PRPF18: variants seen among roughly 807,000 people sequenced by gnomAD.
PRPF18 encodes pre-mRNA processing factor 18, also known as pre-mRNA-splicing factor 18.
A neutral mutation model predicts 46.5 loss-of-function variants in PRPF18; 38 were observed. That is an observed-to-expected ratio of 0.82 (90% confidence interval 0.63 to 1.07). PRPF18 has a LOEUF of 1.07. Among genes scored for constraint, PRPF18 ranks in the 50% least tolerant of loss-of-function variants. PRPF18 has a pLI of 0.00. For synonymous variants in PRPF18, 152 were observed against 146.7 expected (o/e 1.04, Z -0.26); for missense variants, 263 against 410.0 (o/e 0.64, Z 3.10).
chr10:13,615,573 C>T (rs2080327061), intron 8 of PRPF18, among the ~76,000 whole-genome samples: 1 of 152,182 alleles, frequency 6.6e-6, no homozygotes, highest in Non-Finnish European at 1.5e-5. Context: ...TTGACTCTCC[C>T]TATCAATCTC....
At chr10:13,602,057 G>C (rs531167612) in intron 3 of PRPF18, among the ~76,000 whole-genome samples, 82 of 152,282 alleles carry the variant, frequency 5.4e-4, no homozygotes, top group Middle Eastern at 3.4e-3. Flanking sequence ...GTGTGGAATT[G>C]TCCTACAAAG....
At chr10:13,587,315 C>T (rs976084171) in intron 1 of PRPF18, 163 bp downstream of exon 1, 5 of 722,790 alleles carry the variant, frequency 6.9e-6, no homozygotes, top group African/African-American at 3.5e-5. Flanking sequence ...CAACCCTTGG[C>T]GTCTCACTGT....
intron 9 of PRPF18, among the ~76,000 whole-genome samples, chr10:13,617,849 A>AT (rs1589133336): frequency 6.6e-6 from 1 of 152,164 alleles, no homozygotes; most frequent in Non-Finnish European, 1.5e-5. Flanking sequence ...ATTAAAAAAA[A>AT]TTCTTCTTTT....
chr10:13,605,883 AT>A, intron 4 of PRPF18, 139 bp downstream of exon 4: 1 of 1,248,546 alleles, frequency 8.0e-7, no homozygotes, highest in Non-Finnish European at 1.0e-6. Flanking sequence ...GTTTTCATTA[AT>A]TTTTTGAAAA....
intron 3 of PRPF18, among the ~76,000 whole-genome samples, chr10:13,602,795 T>C (rs2080131816): frequency 1.3e-5 from 2 of 152,196 alleles, no homozygotes; most frequent in South Asian, 4.1e-4. Flanking sequence ...TGCAGTGGCA[T>C]GATGTAGGCT....
At chr10:13,587,445 G>A (rs937911866) in intron 1 of PRPF18, among the ~76,000 whole-genome samples, 4 of 152,194 alleles carry the variant, frequency 2.6e-5, no homozygotes, top group African/African-American at 9.6e-5. Context: ...GCCAATTAAC[G>A]CCCACGTCCA....
At chr10:13,648,515 C>CA in the PRPF18 span, 8 of 152,220 alleles carry the variant, frequency 5.3e-5, no homozygotes, top group African/African-American at 1.9e-4. Flanking sequence ...ACAAGGAACC[C>CA]AACGGGGCCG....
Position 13,587,909 on chromosome 10 carries a change from C to G in PRPF18, c.66+757C>G, listed in dbSNP as rs567123734. Among the ~76,000 whole-genome samples the G allele has an allele frequency of 7.9e-5, 12 of 152,284 alleles. No homozygotes were observed. In the South Asian group the frequency reaches 2.3e-3, roughly 29 times the overall value. Reference sequence around the variant, plus strand: ...CAACTTACACTCACGGCCTTCTTTCCGGTAACCACTTGGGAGCCTTAGGGA... The same window carrying G: ...CAACTTACACTCACGGCCTTCTTTCGGGTAACCACTTGGGAGCCTTAGGGA... On this transcript the variant is annotated intron_variant, in intron 1 of 9. Transcript: ENST00000378572.
At chr10:13,605,999 T>G (rs1003092855) in intron 4 of PRPF18, among the ~76,000 whole-genome samples, 9 of 152,142 alleles carry the variant, frequency 5.9e-5, no homozygotes, top group African/African-American at 2.2e-4. Flanking sequence ...CAAAGAAATT[T>G]CCCTGAGAGC....
intron 9 of PRPF18, 108 bp downstream of exon 9, chr10:13,616,661 G>A (rs751529667): frequency 1.9e-4 from 263 of 1,393,852 alleles, no homozygotes; most frequent in Middle Eastern, 6.3e-4. Context: ...AGAACATAGC[G>A]TGATAGGATG....
At chr10:13,612,289 T>C (rs772487347) in intron 6 of PRPF18, among the ~76,000 whole-genome samples, 2 of 152,134 alleles carry the variant, frequency 1.3e-5, no homozygotes, top group Non-Finnish European at 2.9e-5. Flanking sequence ...TATTTTTTTC[T>C]TGAGGCAGAG....
chr10:13,628,536 A>G (rs888763972), intron 9 of PRPF18, among the ~76,000 whole-genome samples: 90 of 152,270 alleles, frequency 5.9e-4, no homozygotes, highest in African/African-American at 2.2e-3. Context: ...TATGATATTT[A>G]TTTGTATTAT....
intron 1 of PRPF18, among the ~76,000 whole-genome samples, chr10:13,596,979 G>A (rs1208943697): frequency 6.6e-6 from 1 of 151,994 alleles, no homozygotes; most frequent in African/African-American, 2.4e-5. Context: ...ATATAATAAG[G>A]TTCCAGGTAA....
the PRPF18 span, chr10:13,637,753 A>G: frequency 6.6e-6 from 1 of 152,254 alleles, no homozygotes. Flanking sequence ...TTAAATAACA[A>G]TTCTTCCTCT....
intron 3 of PRPF18, among the ~76,000 whole-genome samples, chr10:13,601,553 G>C (rs1382682862): frequency 6.6e-6 from 1 of 152,180 alleles, no homozygotes; most frequent in Non-Finnish European, 1.5e-5. Context: ...GCGTCAGTGT[G>C]TATGTGTATA....
intron 1 of PRPF18, among the ~76,000 whole-genome samples, chr10:13,591,104 C>T (rs2079954864): frequency 6.6e-6 from 1 of 152,206 alleles, no homozygotes; most frequent in Admixed American, 6.5e-5. Flanking sequence ...GGATAGATCT[C>T]AAGTCTTAGA....
At chr10:13,641,970 T>TAC in the PRPF18 span, 1 of 152,236 alleles carries the variant, frequency 6.6e-6, no homozygotes, top group Non-Finnish European at 1.5e-5. Context: ...TTGGTGCCAT[T>TAC]ATAATCCTAT....
chr10:13,587,299 T>C, intron 1 of PRPF18, 147 bp downstream of exon 1: 2 of 810,790 alleles, frequency 2.5e-6, no homozygotes, highest in African/African-American at 1.7e-5. Context: ...TAGGCCCCCT[T>C]AGATCCAACC....
chr10:13,618,747 G>T (rs983883830), intron 9 of PRPF18, among the ~76,000 whole-genome samples: 4 of 150,066 alleles, frequency 2.7e-5, no homozygotes, highest in Non-Finnish European at 1.5e-5. Flanking sequence ...GTTCAGTATT[G>T]TACCCCTAGA....
Sources: allele counts gnomAD v4.1 joint callset (sites outside exome capture counted in the v4.1 genomes callset), GRCh38; gene constraint gnomAD v4.1.1; transcripts MANE v1.5; gene names NCBI Gene and HGNC (gene_info 2026-07-23, HGNC 2026-07-21).